MAP2: variants seen among roughly 807,000 people sequenced by gnomAD.
MAP2 encodes microtubule associated protein 2, also known as microtubule-associated protein 2.
MAP2 carries 14 observed loss-of-function variants against 137.6 expected under a neutral mutation model. The observed-to-expected ratio is 0.10, with a 90% confidence interval of 0.07 to 0.16. MAP2 has a LOEUF of 0.16. Ranked by LOEUF, MAP2 falls within the 10% of genes least tolerant of loss-of-function variation. The pLI is 1.00. For synonymous variants in MAP2, 786 were observed against 782.3 expected (o/e 1.00, Z -0.08); for missense variants, 2,088 against 2,191.5 (o/e 0.95, Z 0.94).
At chr2:209,428,338 C>G (rs1693145316) in intron 1 of MAP2, among the ~76,000 whole-genome samples, 1 of 150,054 alleles carries the variant, frequency 6.7e-6, no homozygotes, top group East Asian at 1.9e-4. Context: ...AAGTTTTAGA[C>G]AGTTTGTTTT....
At chr2:209,593,634 A>AAAATATATATAT (rs1286103137) in intron 3 of MAP2, among the ~76,000 whole-genome samples, 1 of 33,644 alleles carries the variant, frequency 3.0e-5, no homozygotes, top group Non-Finnish European at 4.9e-5. Flanking sequence ...AAAAAAAAAA[A>AAAATATATATAT]ATATATATAT....
intron 2 of MAP2, among the ~76,000 whole-genome samples, chr2:209,536,196 C>CTAGG (rs1233488859): frequency 6.6e-6 from 1 of 152,066 alleles, no homozygotes; most frequent in African/African-American, 2.4e-5. Flanking sequence ...ATAAGCTGGA[C>CTAGG]TAGGTGTTTT....
chr2:209,674,856 A>G (rs1480299316), intron 5 of MAP2, among the ~76,000 whole-genome samples: 2 of 151,834 alleles, frequency 1.3e-5, no homozygotes, highest in Non-Finnish European at 2.9e-5. Flanking sequence ...CTCCTGTCCC[A>G]GAAGCCATGC....
At chr2:209,453,829 A>G (rs180883648) in intron 1 of MAP2, among the ~76,000 whole-genome samples, 5 of 152,090 alleles carry the variant, frequency 3.3e-5, no homozygotes, top group Non-Finnish European at 5.9e-5. Context: ...AGATGGCACT[A>G]TATGATAACC....
rs772251063 is a variant in MAP2 at position 209,692,935 on chromosome 2, G to A, written c.765G>A (p.Glu255=). The A allele has an allele frequency of 6.2e-7, 1 of 1,614,038 alleles. No individual in the cohort carries two copies. The highest frequency in any genetic ancestry group is 8.5e-7 in the Non-Finnish European group (1 of 1,179,972). The change falls in exon 8 of 16, where the codon GAG becomes GAA. Residue 255 remains glutamate (E), a synonymous_variant. Coordinates refer to ENST00000682079, the MANE Select transcript of MAP2 (RefSeq NM_001375505.1). ...TACCTGGCATTGACCTCCCTAAAGA[G>A]CCTCCAACTCCAAAAGAACAAAAGG... The part of the protein sequence containing the change: ...LVVPGIDLPK[E]PPTPKEQKDW...
At chr2:209,495,604 C>A (rs2059657943) in intron 1 of MAP2, among the ~76,000 whole-genome samples, 1 of 152,190 alleles carries the variant, frequency 6.6e-6, no homozygotes, top group Non-Finnish European at 1.5e-5. Flanking sequence ...ACCTGACTGT[C>A]AGAAGGAAAA....
At chr2:209,458,022 C>A (rs953512109) in intron 1 of MAP2, among the ~76,000 whole-genome samples, 2 of 152,036 alleles carry the variant, frequency 1.3e-5, no homozygotes, top group African/African-American at 4.8e-5. Flanking sequence ...CACTATGTTT[C>A]CAGTATTGAT....
chr2:209,722,949 G>A, intron 13 of MAP2, among the ~76,000 whole-genome samples: 1 of 152,158 alleles, frequency 6.6e-6, no homozygotes, highest in East Asian at 1.9e-4. Context: ...GGCTGCTCTT[G>A]AGCAATTGCC....
chr2:209,624,743 C>A (rs1334507354), intron 3 of MAP2, among the ~76,000 whole-genome samples: 1 of 152,166 alleles, frequency 6.6e-6, no homozygotes, highest in Non-Finnish European at 1.5e-5. Context: ...TATTTATTAG[C>A]TGAAGACAAT....
chr2:209,562,877 A>G (rs972229758), intron 2 of MAP2, among the ~76,000 whole-genome samples: 2 of 152,330 alleles, frequency 1.3e-5, no homozygotes, highest in South Asian at 4.1e-4. Flanking sequence ...ATTGGGGGTC[A>G]TGTTTCATTT....
intron 3 of MAP2, among the ~76,000 whole-genome samples, chr2:209,596,226 C>T (rs114574676): frequency 0.012 from 1,835 of 152,230 alleles, 9 homozygotes; most frequent in African/African-American, 0.016. Context: ...TTTACTTCAA[C>T]GTACTGGAAA....
At chr2:209,666,226 C>T (rs2046237698) in intron 5 of MAP2, among the ~76,000 whole-genome samples, 1 of 152,048 alleles carries the variant, frequency 6.6e-6, no homozygotes, top group Non-Finnish European at 1.5e-5. Context: ...GGCTTTTTCT[C>T]CAAATATTGC....
chr2:209,647,729 G>A (rs890190025), intron 4 of MAP2, among the ~76,000 whole-genome samples: 1 of 152,012 alleles, frequency 6.6e-6, no homozygotes, highest in African/African-American at 2.4e-5. Flanking sequence ...GTGGTCAGAG[G>A]TTGGTATGAA....
At chr2:209,686,017 A>G (rs1254952125) in intron 7 of MAP2, among the ~76,000 whole-genome samples, 2 of 152,200 alleles carry the variant, frequency 1.3e-5, no homozygotes, top group Non-Finnish European at 2.9e-5. Context: ...CATATCAGGA[A>G]TTTTAGAAGT....
chr2:209,442,224 A>G (rs984249137), intron 1 of MAP2, among the ~76,000 whole-genome samples: 2 of 151,566 alleles, frequency 1.3e-5, no homozygotes, highest in Non-Finnish European at 1.5e-5. Context: ...CTAGTATGTG[A>G]TGAGGAAATA....
intron 1 of MAP2, among the ~76,000 whole-genome samples, chr2:209,483,280 A>G (rs2057955759): frequency 6.6e-6 from 1 of 152,222 alleles, no homozygotes. Context: ...GAAGAGAAGA[A>G]TGTGAGTGTT....
chr2:209,673,491 A>G (rs1207868721), intron 5 of MAP2, among the ~76,000 whole-genome samples: 2 of 151,876 alleles, frequency 1.3e-5, no homozygotes, highest in Non-Finnish European at 1.5e-5. Context: ...AACATTCACA[A>G]GAGAAAGAAT....
chr2:209,513,671 C>A (rs1211973387), intron 2 of MAP2, among the ~76,000 whole-genome samples: 1 of 152,032 alleles, frequency 6.6e-6, no homozygotes, highest in African/African-American at 2.4e-5. Context: ...AATACTTGTT[C>A]TTTAAGATTC....
chr2:209,718,315 A>G (rs2068619656), intron 13 of MAP2, among the ~76,000 whole-genome samples: 1 of 152,216 alleles, frequency 6.6e-6, no homozygotes, highest in Admixed American at 6.5e-5. Flanking sequence ...ATAACTGAGC[A>G]GACTATTTAA....
Sources: allele counts gnomAD v4.1 joint callset (sites outside exome capture counted in the v4.1 genomes callset), GRCh38; gene constraint gnomAD v4.1.1; transcripts MANE v1.5; gene names NCBI Gene and HGNC (gene_info 2026-07-23, HGNC 2026-07-21).